FMN1: variants seen among roughly 807,000 people sequenced by gnomAD.
FMN1 encodes the protein formin 1.
In FMN1, 110 loss-of-function variants were observed where a neutral mutation model predicts 132.4. The observed-to-expected ratio is 0.83, with a 90% CI of 0.71 to 0.97. FMN1 has a LOEUF of 0.97. Among genes scored for constraint, FMN1 ranks in the 50% least tolerant of loss-of-function variants. FMN1 has a pLI of 0.00. For synonymous variants in FMN1, 722 were observed against 651.7 expected (o/e 1.11, Z -1.64); for missense variants, 1,792 against 1,705.3 (o/e 1.05, Z -0.90).
intron 16 of FMN1, among the ~76,000 whole-genome samples, chr15:32,867,931 AT>A (rs1270559791): frequency 6.6e-6 from 1 of 152,172 alleles, no homozygotes; most frequent in Non-Finnish European, 1.5e-5. Context: ...TTACTGTTAA[AT>A]CTCCAGCATC....
intron 6 of FMN1, among the ~76,000 whole-genome samples, chr15:33,027,200 A>G (rs61169197): frequency 0.025 from 3,858 of 152,274 alleles, 172 homozygotes; most frequent in African/African-American, 0.088. Context: ...CTGGTCTTCT[A>G]GTCCAGAAGC....
chr15:33,150,367 C>A (rs1964394522), intron 4 of FMN1: 1 of 985,320 alleles, frequency 1.0e-6, no homozygotes, highest in African/African-American at 1.7e-5. Flanking sequence ...TACTATAAAA[C>A]CAATCTCCAG....
At chr15:33,017,432 T>C (rs960878397) in intron 6 of FMN1, among the ~76,000 whole-genome samples, 2 of 152,148 alleles carry the variant, frequency 1.3e-5, no homozygotes, top group African/African-American at 2.4e-5. Flanking sequence ...AACTCTACTT[T>C]CCGCTCAATT....
At chr15:32,777,057 T>C in intron 19 of FMN1, 138 bp from the exon 20 acceptor site, 1 of 586,498 alleles carries the variant, frequency 1.7e-6, no homozygotes, top group Non-Finnish European at 3.0e-6. Context: ...TTGAAAATAC[T>C]GAAATGTTTT....
chr15:33,091,658 G>A (rs955364871), intron 4 of FMN1, among the ~76,000 whole-genome samples: 12 of 152,136 alleles, frequency 7.9e-5, no homozygotes, highest in African/African-American at 2.9e-4. Context: ...TCAACATTCT[G>A]ACGACCACAA....
intron 4 of FMN1, among the ~76,000 whole-genome samples, chr15:33,100,708 T>C (rs1257120391): frequency 6.6e-6 from 1 of 152,184 alleles, no homozygotes; most frequent in African/African-American, 2.4e-5. Context: ...TGTGAATCTA[T>C]CCTTCTGTGA....
intron 10 of FMN1, among the ~76,000 whole-genome samples, chr15:32,913,385 T>C (rs961005391): frequency 2.6e-5 from 4 of 152,148 alleles, no homozygotes; most frequent in African/African-American, 9.7e-5. Context: ...TCCAATATCT[T>C]CCTTTAAACA....
chr15:33,154,904 G>A lies in FMN1; in HGVS notation c.11C>T (p.Thr4Ile). 6.5e-7 allele frequency: 1 copy of A among 1,531,904 alleles called. No homozygotes were observed. Among genetic ancestry groups the A allele is most frequent in the Non-Finnish European group, 8.7e-7 (1 of 1,144,928 alleles). 94.9% of individuals were successfully genotyped at this position (1,531,904 alleles called of 1,614,324 possible). ...CTTATGCAATTGGAGGGTACAATGA[G>A]TGCCTTCCATTATGCCTACCTAATT... is the stretch of plus-strand genomic sequence containing the variant. The part of the protein sequence containing the change: MEG[T>I]HCTLQLHKPI... The change falls in exon 4 of 21, where the codon ACT becomes ATT. Residue 4 changes from threonine (T) to isoleucine (I), a missense_variant. By Grantham distance (89) the Thr-to-Ile change is moderately conservative. Coordinates refer to ENST00000616417, the MANE Select transcript of FMN1 (RefSeq NM_001277313.2).
chr15:32,815,351 A>C (rs557139432), intron 17 of FMN1, among the ~76,000 whole-genome samples: 28 of 152,336 alleles, frequency 1.8e-4, no homozygotes, highest in East Asian at 7.7e-4. Context: ...CTAAAGAAAG[A>C]AAGCACCTCA....
chr15:32,975,293 T>A (rs961388397), intron 7 of FMN1, among the ~76,000 whole-genome samples: 3 of 152,238 alleles, frequency 2.0e-5, no homozygotes, highest in African/African-American at 7.2e-5. Flanking sequence ...GACCACAATT[T>A]AATCATATTT....
intron 5 of FMN1, among the ~76,000 whole-genome samples, chr15:33,082,053 G>GTGTT (rs540217494): frequency 0.056 from 7,598 of 134,514 alleles, 266 homozygotes; most frequent in South Asian, 0.1. Context: ...GTGTGTGTGT[G>GTGTT]TAAGACGGAG....
intron 9 of FMN1, among the ~76,000 whole-genome samples, chr15:32,947,783 T>C (rs2061541288): frequency 6.6e-6 from 1 of 152,064 alleles, no homozygotes; most frequent in Non-Finnish European, 1.5e-5. Context: ...TTTTCCAACT[T>C]AATAGTGTAT....
At chr15:33,176,546 C>T (rs375456154) in intron 3 of FMN1, among the ~76,000 whole-genome samples, 10 of 143,146 alleles carry the variant, frequency 7.0e-5, no homozygotes, top group African/African-American at 2.5e-4. Context: ...CTGGAGTTCC[C>T]ACTACTTGTC....
At chr15:32,892,039 CCCTT>C (rs1291104374) in intron 15 of FMN1, among the ~76,000 whole-genome samples, 3 of 152,178 alleles carry the variant, frequency 2.0e-5, no homozygotes, top group Non-Finnish European at 2.9e-5. Context: ...GATTTGGATG[CCCTT>C]CCTTTCTTTC....
chr15:33,072,312 C>G (rs983180312), intron 5 of FMN1, among the ~76,000 whole-genome samples: 16 of 152,146 alleles, frequency 1.1e-4, no homozygotes, highest in Admixed American at 7.9e-4. Context: ...GACTTTTCAA[C>G]TTTTCCTGTA....
chr15:33,104,459 T>C (rs345780), intron 4 of FMN1, among the ~76,000 whole-genome samples: 43,569 of 151,810 alleles, frequency 0.29, 6,835 homozygotes, highest in East Asian at 0.67. Context: ...ATTATATGTA[T>C]TACTGATAGA....
intron 9 of FMN1, among the ~76,000 whole-genome samples, chr15:32,958,687 G>A (rs1487159626): frequency 6.6e-6 from 1 of 152,086 alleles, no homozygotes; most frequent in Non-Finnish European, 1.5e-5. Context: ...TGATCATTCT[G>A]TCCATTACTT....
In FMN1 at chr15:32,800,713, T is replaced by C. The variant is rs905278283; in HGVS notation, c.3981-1760A>G. On this transcript the variant is annotated intron_variant, in intron 18 of 20. Coordinates refer to ENST00000616417, the MANE Select transcript of FMN1 (RefSeq NM_001277313.2). The stretch of plus-strand genomic sequence containing the variant: ...TGTGTGGCATTATTCCCTGGTAGGG[T>C]TGGGCCTGGAATTCAGGTCCCCTGA... Among the ~76,000 whole-genome samples, 23 of 152,292 alleles carry C rather than the reference T, an allele frequency of 1.5e-4. No homozygotes were observed. In the South Asian group the frequency reaches 2.1e-3, roughly 14 times the overall value.
chr15:33,069,136 G>A (rs1003796569), intron 5 of FMN1, among the ~76,000 whole-genome samples: 1 of 152,186 alleles, frequency 6.6e-6, no homozygotes, highest in Non-Finnish European at 1.5e-5. Context: ...GACCCAATTT[G>A]CCTCAACAAA....
Sources: gnomAD v4.1 joint callset for allele counts (sites outside exome capture counted in the v4.1 genomes callset) on GRCh38, gnomAD v4.1.1 for gene constraint, MANE v1.5 for transcripts, NCBI Gene and HGNC (gene_info 2026-07-23, HGNC 2026-07-21) for gene names.